Variants in NOS1 observed in about 807,000 individuals in gnomAD.
The protein encoded by NOS1 is NOS type I.
A neutral mutation model predicts 164.5 loss-of-function variants in NOS1; 51 were observed. That is an observed-to-expected ratio of 0.31 (90% CI 0.25 to 0.39). The LOEUF is 0.39. Among genes scored for constraint, NOS1 ranks in the 10% least tolerant of loss-of-function variants. The pLI is 1.00. For missense variants in NOS1, 1,362 were observed against 1,885.6 expected (o/e 0.72, Z 5.14); for synonymous variants, 719 against 745.8 (o/e 0.96, Z 0.59).
At chr12:117,344,498 A>G (rs1049148409) in intron 1 of NOS1, among the ~76,000 whole-genome samples, 1 of 152,198 alleles carries the variant, frequency 6.6e-6, no homozygotes, top group African/African-American at 2.4e-5. Context: ...TATAATTCCC[A>G]TTTTATAGAT....
intron 2 of NOS1, among the ~76,000 whole-genome samples, chr12:117,315,164 A>G (rs1457095508): frequency 6.6e-6 from 1 of 152,146 alleles, no homozygotes; most frequent in African/African-American, 2.4e-5. Context: ...TTGCCAACAA[A>G]AACTTAATTT....
chr12:117,259,982 G>A (rs1255616222), intron 14 of NOS1, among the ~76,000 whole-genome samples: 1 of 152,002 alleles, frequency 6.6e-6, no homozygotes, highest in African/African-American at 2.4e-5. Context: ...AGCCGAACGT[G>A]GTGGTGGGCG....
intron 25 of NOS1, among the ~76,000 whole-genome samples, chr12:117,224,428 T>G (rs910604300): frequency 6.6e-6 from 1 of 152,048 alleles, no homozygotes; most frequent in Non-Finnish European, 1.5e-5. Flanking sequence ...TGGGACTACA[T>G]GTGCCCGCCA....
Position 117,211,634 on chromosome 12 carries a change from C to T in NOS1, c.*3675G>A, listed in dbSNP as rs1014756364. ...CCAGCCTCAATTTATCTTACATGCTCCCTGTCCGTGCCTTTCCTCTCACTC... is the reference window on the plus strand; with the variant it reads ...CCAGCCTCAATTTATCTTACATGCTTCCTGTCCGTGCCTTTCCTCTCACTC... On this transcript the variant is annotated 3_prime_UTR_variant, in exon 29 of 29. Coordinates refer to ENST00000317775, the MANE Select transcript of NOS1 (RefSeq NM_000620.5). The T allele has an allele frequency of 2.3e-5, 23 of 985,598 alleles. No individual in the cohort carries two copies. Among genetic ancestry groups the T allele is most frequent in the Non-Finnish European group, 2.8e-5 (23 of 830,068 alleles). 61.1% of individuals were successfully genotyped at this position (985,598 alleles called of 1,614,324 possible). A position where few individuals can be genotyped will look rare whatever the true frequency, so the allele number is the denominator to read the frequency against.
At chr12:117,351,354 G>A (rs1428294219) in intron 1 of NOS1, among the ~76,000 whole-genome samples, 5 of 152,134 alleles carry the variant, frequency 3.3e-5, no homozygotes, top group South Asian at 4.2e-4. Flanking sequence ...AAAGGGCTTC[G>A]GTAACACTGT....
At chr12:117,342,049 T>G (rs1180186949) in intron 1 of NOS1, among the ~76,000 whole-genome samples, 1 of 152,208 alleles carries the variant, frequency 6.6e-6, no homozygotes, top group Non-Finnish European at 1.5e-5. Flanking sequence ...AAACTTTTCT[T>G]AACAATCATT....
At chr12:117,355,724 G>A (rs544633630) in intron 1 of NOS1, among the ~76,000 whole-genome samples, 1 of 152,088 alleles carries the variant, frequency 6.6e-6, no homozygotes, top group African/African-American at 2.4e-5. Flanking sequence ...ACACCAACTG[G>A]CTAACTCTTT....
chr12:117,282,186 C>G (rs761729860), intron 7 of NOS1, among the ~76,000 whole-genome samples: 10 of 151,734 alleles, frequency 6.6e-5, no homozygotes, highest in Non-Finnish European at 1.5e-4. Context: ...CCAAACTGAG[C>G]CTTTCTCCTC....
At chr12:117,269,262 G>A (rs916717859) in intron 10 of NOS1, among the ~76,000 whole-genome samples, 6 of 152,060 alleles carry the variant, frequency 3.9e-5, no homozygotes, top group Non-Finnish European at 5.9e-5. Flanking sequence ...GGGGCAGCAA[G>A]AGCAAAGCCC....
chr12:117,348,956 T>C (rs554505718), intron 1 of NOS1, among the ~76,000 whole-genome samples: 3 of 152,354 alleles, frequency 2.0e-5, no homozygotes, highest in African/African-American at 7.2e-5. Context: ...GTCAATCTTC[T>C]GTTCTTGATA....
chr12:117,211,032 C>T lies in NOS1; in HGVS notation c.*4277G>A. 1.3e-6 allele frequency: 1 copy of T among 764,500 alleles called. No homozygotes were observed. The highest frequency in any genetic ancestry group is 1.6e-6 in the Non-Finnish European group (1 of 628,804). 47.4% of individuals were successfully genotyped at this position (764,500 alleles called of 1,614,324 possible). A position where few individuals can be genotyped will look rare whatever the true frequency, so the allele number is the denominator to read the frequency against. ...AGTGCAGTGGTACAATCTTGGCTCACTGCAGCCTCCACCTCCTGGGCTCAA... is the reference window on the plus strand; with the variant it reads ...AGTGCAGTGGTACAATCTTGGCTCATTGCAGCCTCCACCTCCTGGGCTCAA... On this transcript the variant is annotated 3_prime_UTR_variant, in exon 29 of 29. Transcript: ENST00000317775.
chr12:117,265,199 G>T, intron 12 of NOS1, 117 bp downstream of exon 12: 1 of 858,918 alleles, frequency 1.2e-6, no homozygotes, highest in Non-Finnish European at 1.7e-6. Context: ...GTAGCCACCA[G>T]CCACATGTGG....
chr12:117,215,201 G>T lies in NOS1; in HGVS notation c.*108C>A. 2.2e-6 allele frequency: 3 copies of T among 1,356,094 alleles called. No homozygotes were observed. Among genetic ancestry groups the T allele is most frequent in the Non-Finnish European group, 2.9e-6 (3 of 1,043,690 alleles). 84.0% of individuals were successfully genotyped at this position (1,356,094 alleles called of 1,614,324 possible). ...CCGAGGAGGGAAACCAGGGCACAGC[G>T]ACAAGGACAGGAGGCAGAGCGAGGG... On this transcript the variant is annotated 3_prime_UTR_variant, in exon 29 of 29. Transcript: ENST00000317775.
At chr12:117,223,157 C>A (rs1468732805) in intron 25 of NOS1, among the ~76,000 whole-genome samples, 1 of 152,164 alleles carries the variant, frequency 6.6e-6, no homozygotes, top group Non-Finnish European at 1.5e-5. Flanking sequence ...TGCTCCTTGA[C>A]TACTTAGGAG....
At chr12:117,239,791 C>T (rs1870020462) in intron 20 of NOS1, among the ~76,000 whole-genome samples, 1 of 151,900 alleles carries the variant, frequency 6.6e-6, no homozygotes, top group African/African-American at 2.4e-5. Context: ...GCACTTTAAG[C>T]TTGAAAATAC....
At position 117,211,198 on chromosome 12, in the gene NOS1, T is replaced by C. The variant is rs1956521881; in HGVS notation, c.*4111A>G. ...GTCTCCAACTCCTGACCTCAACTGA[T>C]ACACCCACCTCGGCCTCCCAAAGTG... On this transcript the variant is annotated 3_prime_UTR_variant, in exon 29 of 29. Coordinates refer to ENST00000317775, the MANE Select transcript of NOS1 (RefSeq NM_000620.5). 1.1e-6 allele frequency: 1 copy of C among 952,194 alleles called. No homozygotes were observed. Among genetic ancestry groups the C allele is most frequent in the East Asian group, 1.2e-4 (1 of 8,658 alleles). The allele number at this position is 952,194 out of a possible 1,614,324, so 59.0% of individuals were successfully genotyped here. A position where few individuals can be genotyped will look rare whatever the true frequency, so the allele number is the denominator to read the frequency against.
Position 117,359,876 on chromosome 12 carries a change from T to TA in NOS1, c.-421+1635_-421+1636insT, listed in dbSNP as rs1877038693. 2.5e-3 allele frequency among the ~76,000 whole-genome samples: 91 copies of TA among 36,962 alleles called. 19 individuals are homozygous for TA. Among genetic ancestry groups the TA allele is most frequent in the South Asian group, 4.5e-3 (4 of 896 alleles). 24.2% of individuals were successfully genotyped at this position (36,962 alleles called of 152,430 possible). A position where few individuals can be genotyped will look rare whatever the true frequency, so the allele number is the denominator to read the frequency against. ...GTCCCAGAGCATTACAATAATGGTT[T>TA]TATATATATATATATATATATATAT... On this transcript the variant is annotated intron_variant, in intron 1 of 28. Transcript: ENST00000317775.
At chr12:117,295,199 G>A (rs565898405) in intron 3 of NOS1, among the ~76,000 whole-genome samples, 1 of 152,206 alleles carries the variant, frequency 6.6e-6, no homozygotes, top group Non-Finnish European at 1.5e-5. Context: ...TCTTACAGCT[G>A]CTTCTTCTAA....
chr12:117,208,619 A>C lies in NOS1; in HGVS notation c.*6690T>G, dbSNP rs1956479372. 1 of 1,168,600 alleles carries C rather than the reference A, an allele frequency of 8.6e-7. No homozygotes were observed. The highest frequency in any genetic ancestry group is 6.1e-5 in the East Asian group (1 of 16,288). The allele number at this position is 1,168,600 out of a possible 1,614,324, so 72.4% of individuals were successfully genotyped here. A position where few individuals can be genotyped will look rare whatever the true frequency, so the allele number is the denominator to read the frequency against. ...GAGCACAGGACATGGGAGGGGACTG[A>C]GACCCAGCTCAAGAGCACTGGATCT... On this transcript the variant is annotated 3_prime_UTR_variant, in exon 29 of 29. Transcript: ENST00000317775.
Sources: allele counts gnomAD v4.1 joint callset (sites outside exome capture counted in the v4.1 genomes callset), GRCh38; gene constraint gnomAD v4.1.1; transcripts MANE v1.5; gene names NCBI Gene and HGNC (gene_info 2026-07-23, HGNC 2026-07-21).